The following INPP4B variants were observed in gnomAD, a reference collection of about 807,000 sequenced individuals.
The protein encoded by INPP4B is inositol polyphosphate-4-phosphatase type II B.
A neutral mutation model predicts 122.5 loss-of-function variants in INPP4B; 55 were observed. The observed-to-expected ratio is 0.45, with a 90% CI of 0.36 to 0.56. The LOEUF (loss-of-function observed/expected upper bound fraction) is 0.56, where lower values mean the gene tolerates loss of function less well. INPP4B is among the 20% of genes least tolerant of loss of function. The pLI is 0.00. For synonymous variants in INPP4B, 403 were observed against 388.7 expected (o/e 1.04, Z -0.43); for missense variants, 1,000 against 1,097.7 (o/e 0.91, Z 1.26).
chr4:142,439,385 A>C lies in INPP4B; in HGVS notation c.-126-8000T>G, dbSNP rs115152611. Among the ~76,000 whole-genome samples the C allele has an allele frequency of 4.7e-3, 710 of 152,176 alleles. 6 individuals carry two copies. The highest frequency in any genetic ancestry group is 0.015 in the African/African-American group (640 of 41,516). On this transcript the variant is annotated intron_variant, in intron 3 of 25. Coordinates refer to ENST00000262992, the MANE Select transcript of INPP4B (RefSeq NM_001101669.3). ...CTGCTCTCTCACCTTTATCCTTCTC[A>C]AGTGTCCTCCCAATAAATCTTTTGC...
At chr4:142,369,621 TAAAA>T (rs1020410406) in intron 7 of INPP4B, among the ~76,000 whole-genome samples, 5 of 131,864 alleles carry the variant, frequency 3.8e-5, no homozygotes, top group South Asian at 2.4e-4. Flanking sequence ...TAAATAAAAA[TAAAA>T]AAATAAAAAA....
At chr4:142,740,431 A>G (rs776510647) in intron 1 of INPP4B, among the ~76,000 whole-genome samples, 23 of 152,160 alleles carry the variant, frequency 1.5e-4, no homozygotes, top group Middle Eastern at 6.8e-3. Context: ...AAAACACAAC[A>G]AACATACTTT....
chr4:142,150,223 C>A (rs1036743172), intron 17 of INPP4B, among the ~76,000 whole-genome samples: 1 of 152,224 alleles, frequency 6.6e-6, no homozygotes, highest in Non-Finnish European at 1.5e-5. Context: ...CAATTAGTTT[C>A]AGATTGCTCC....
intron 1 of INPP4B, among the ~76,000 whole-genome samples, chr4:142,810,822 T>G (rs2151121588): frequency 6.6e-6 from 1 of 152,350 alleles, no homozygotes; most frequent in Middle Eastern, 3.4e-3. Flanking sequence ...ATTTTATGTA[T>G]CCTACACTTA....
chr4:142,442,341 G>A (rs1811951449), intron 3 of INPP4B, among the ~76,000 whole-genome samples: 3 of 150,172 alleles, frequency 2.0e-5, no homozygotes, highest in Admixed American at 6.6e-5. Context: ...GAACCCGGGA[G>A]GCGGAGGTTG....
chr4:142,728,577 G>A (rs919200767), intron 1 of INPP4B, among the ~76,000 whole-genome samples: 2 of 152,114 alleles, frequency 1.3e-5, no homozygotes, highest in East Asian at 1.9e-4. Context: ...TGAGACACAG[G>A]GATGGACATA....
At chr4:142,097,729 A>C (rs2152615885) in intron 23 of INPP4B, among the ~76,000 whole-genome samples, 1 of 152,320 alleles carries the variant, frequency 6.6e-6, no homozygotes, top group East Asian at 1.9e-4. Context: ...TGTGAATTCC[A>C]AAATAATTTC....
intron 2 of INPP4B, among the ~76,000 whole-genome samples, chr4:142,666,806 A>T (rs577447349): frequency 1.3e-5 from 2 of 152,316 alleles, no homozygotes; most frequent in South Asian, 4.1e-4. Flanking sequence ...CTTAAGAAAG[A>T]CTAATAACCC....
intron 7 of INPP4B, among the ~76,000 whole-genome samples, chr4:142,326,094 G>T (rs1392190840): frequency 6.6e-6 from 1 of 152,194 alleles, no homozygotes; most frequent in Non-Finnish European, 1.5e-5. Context: ...AAACATAAGA[G>T]ATTCTGTCCT....
At chr4:142,814,582 T>A (rs918128226) in intron 1 of INPP4B, among the ~76,000 whole-genome samples, 3 of 152,102 alleles carry the variant, frequency 2.0e-5, no homozygotes, top group African/African-American at 7.2e-5. Context: ...GAAAGAGATG[T>A]CATGGCCCAT....
chr4:142,343,531 T>C (rs954855875), intron 7 of INPP4B, among the ~76,000 whole-genome samples: 10 of 152,034 alleles, frequency 6.6e-5, no homozygotes, highest in African/African-American at 1.9e-4. Context: ...CTAATTTAAA[T>C]TGGTCTTTTA....
intron 9 of INPP4B, among the ~76,000 whole-genome samples, chr4:142,282,718 G>T (rs1055156356): frequency 2.0e-5 from 3 of 152,090 alleles, no homozygotes; most frequent in African/African-American, 7.2e-5. Flanking sequence ...GCCTCCTCAA[G>T]GTCAGAATTT....
intron 1 of INPP4B, among the ~76,000 whole-genome samples, chr4:142,765,344 A>G (rs1420882098): frequency 6.6e-6 from 1 of 152,176 alleles, no homozygotes; most frequent in Non-Finnish European, 1.5e-5. Flanking sequence ...GCAAAATAAA[A>G]TTACACAAGA....
intron 9 of INPP4B, among the ~76,000 whole-genome samples, chr4:142,281,465 G>A (rs1212971251): frequency 6.6e-6 from 1 of 151,692 alleles, no homozygotes; most frequent in Non-Finnish European, 1.5e-5. Flanking sequence ...GAGAACTGGA[G>A]TATTAAATTA....
intron 7 of INPP4B, chr4:142,383,848 T>C: frequency 8.3e-6 from 4 of 484,634 alleles, no homozygotes; most frequent in Non-Finnish European, 1.1e-5. Context: ...TATGATGTTT[T>C]GTGCTTTGAA....
intron 12 of INPP4B, among the ~76,000 whole-genome samples, chr4:142,220,921 C>G (rs901209940): frequency 6.6e-6 from 1 of 152,178 alleles, no homozygotes; most frequent in Admixed American, 6.5e-5. Context: ...TGGATTAGGG[C>G]CCACCCTAAT....
chr4:142,767,987 A>G (rs1772415961), intron 1 of INPP4B: 1 of 152,198 alleles, frequency 6.6e-6, no homozygotes. Context: ...GACACTCAGC[A>G]CAAGTCTGAG....
intron 11 of INPP4B, among the ~76,000 whole-genome samples, chr4:142,253,708 C>A (rs977431324): frequency 1.3e-5 from 2 of 152,210 alleles, no homozygotes; most frequent in Non-Finnish European, 1.5e-5. Flanking sequence ...GGTCCTACGC[C>A]CACGGAGTCT....
intron 7 of INPP4B, among the ~76,000 whole-genome samples, chr4:142,397,709 G>A (rs1208087110): frequency 6.6e-6 from 1 of 151,882 alleles, no homozygotes; most frequent in Non-Finnish European, 1.5e-5. Context: ...CATGATGGCG[G>A]GCGCCTGTAG....
Sources: gnomAD v4.1 joint callset for allele counts (sites outside exome capture counted in the v4.1 genomes callset) on GRCh38, gnomAD v4.1.1 for gene constraint, MANE v1.5 for transcripts, NCBI Gene and HGNC (gene_info 2026-07-23, HGNC 2026-07-21) for gene names.